The following PCSK5 variants were observed in gnomAD, a reference collection of about 807,000 sequenced individuals.
The protein encoded by PCSK5 is prohormone convertase 5.
In PCSK5, 129 loss-of-function variants were observed where a neutral mutation model predicts 233.2. That is an observed-to-expected ratio of 0.55 (90% CI 0.48 to 0.64). The LOEUF is 0.64. Ranked by LOEUF, PCSK5 falls within the 30% of genes least tolerant of loss-of-function variation. The pLI is 0.00. For synonymous variants in PCSK5, 825 were observed against 879.2 expected (o/e 0.94, Z 1.09); for missense variants, 2,076 against 2,430.1 (o/e 0.85, Z 3.06).
chr9:76,106,104 T>C (rs1309213240), intron 8 of PCSK5, among the ~76,000 whole-genome samples: 1 of 152,234 alleles, frequency 6.6e-6, no homozygotes, highest in Non-Finnish European at 1.5e-5. Flanking sequence ...AGGCCTTTGT[T>C]TTCAGCTGCC....
rs1335501546 is a variant in PCSK5, at chr9:76,247,774, T to A, written c.3142+7090T>A. Among the ~76,000 whole-genome samples, 5 of 148,064 alleles carry A rather than the reference T, an allele frequency of 3.4e-5. 1 individual carries two copies. The highest frequency in any genetic ancestry group is 7.0e-3 in the Middle Eastern group (2 of 286). ...GATGGGCAGGACTTCACTAGCTATA[T>A]CTTTTTATTTTTTAATCTTTTTTTT... On this transcript the variant is annotated intron_variant, in intron 24 of 37. Transcript: ENST00000674117.
rs1828326563 is a variant in PCSK5, at chr9:76,293,078, T to C, written c.3185+803T>C. 3.9e-5 allele frequency among the ~76,000 whole-genome samples: 6 copies of C among 152,288 alleles called. No individual in the cohort carries two copies. The South Asian group carries it at 1.2e-3, about 32-fold the overall frequency. ...AGAGAGGGGCAAGGTTTTACTCCAG[T>C]TGCACCACAGCTACTGACAGGTCTA... is the stretch of plus-strand genomic sequence containing the variant. On this transcript the variant is annotated intron_variant, in intron 25 of 37. Coordinates refer to ENST00000674117, the MANE Select transcript of PCSK5 (RefSeq NM_001372043.1).
intron 5 of PCSK5, among the ~76,000 whole-genome samples, chr9:76,060,298 A>G (rs1291590109): frequency 1.3e-5 from 2 of 152,200 alleles, no homozygotes; most frequent in East Asian, 1.9e-4. Flanking sequence ...CAATTAATGT[A>G]TATTTTGTAT....
At chr9:76,226,894 C>T (rs1390282890) in intron 20 of PCSK5, among the ~76,000 whole-genome samples, 1 of 152,064 alleles carries the variant, frequency 6.6e-6, no homozygotes, top group Non-Finnish European at 1.5e-5. Context: ...TGTTGCAGGG[C>T]CCCATATGTG....
chr9:76,272,214 T>G (rs1236332080), intron 24 of PCSK5, among the ~76,000 whole-genome samples: 1 of 152,178 alleles, frequency 6.6e-6, no homozygotes, highest in Non-Finnish European at 1.5e-5. Flanking sequence ...TCACAATGGT[T>G]GAACAAGTCT....
At chr9:76,235,036 A>G (rs1219047589) in intron 22 of PCSK5, among the ~76,000 whole-genome samples, 1 of 152,200 alleles carries the variant, frequency 6.6e-6, no homozygotes, top group East Asian at 1.9e-4. Context: ...AACACATTTG[A>G]TGTCTATTTG....
intron 20 of PCSK5, among the ~76,000 whole-genome samples, chr9:76,207,321 A>G: frequency 6.6e-6 from 1 of 152,120 alleles, no homozygotes; most frequent in East Asian, 1.9e-4. Flanking sequence ...TTTTTTGTCT[A>G]ATTCTCTGAG....
At chr9:75,994,444 A>G (rs1181428557) in intron 3 of PCSK5, among the ~76,000 whole-genome samples, 1 of 74,440 alleles carries the variant, frequency 1.3e-5, no homozygotes, top group Non-Finnish European at 2.4e-5. Flanking sequence ...TTTTTTTTTG[A>G]GATGGAGTCT....
intron 24 of PCSK5, among the ~76,000 whole-genome samples, chr9:76,266,219 T>C (rs1326765626): frequency 2.0e-5 from 3 of 152,202 alleles, no homozygotes; most frequent in African/African-American, 7.2e-5. Flanking sequence ...TCCCTGGAAA[T>C]ATTCATTTAA....
intron 5 of PCSK5, among the ~76,000 whole-genome samples, chr9:76,044,690 T>C (rs960411832): frequency 6.6e-6 from 1 of 152,238 alleles, no homozygotes; most frequent in Admixed American, 6.5e-5. Flanking sequence ...AATAGCCTAG[T>C]AAGAGAGCTC....
At chr9:76,159,317 T>C (rs1468867352) in intron 12 of PCSK5, 146 bp downstream of exon 12, 2 of 671,976 alleles carry the variant, frequency 3.0e-6, no homozygotes, top group South Asian at 2.0e-5. Context: ...TGCTCATAAG[T>C]AGAGAGTGTG....
At chr9:76,275,377 T>A (rs7041527) in intron 24 of PCSK5, among the ~76,000 whole-genome samples, 5,625 of 152,220 alleles carry the variant, frequency 0.037, 338 homozygotes, top group African/African-American at 0.13. Flanking sequence ...AGCAAGATTT[T>A]AAAAAAGCTA....
chr9:76,267,960 C>T (rs1316690668), intron 24 of PCSK5, among the ~76,000 whole-genome samples: 1 of 141,594 alleles, frequency 7.1e-6, no homozygotes, highest in African/African-American at 3.0e-5. Flanking sequence ...TACACACACA[C>T]ACACACACAC....
At chr9:75,959,678 C>T (rs73450619) in intron 2 of PCSK5, among the ~76,000 whole-genome samples, 7,057 of 152,234 alleles carry the variant, frequency 0.046, 225 homozygotes, top group Middle Eastern at 0.092. Context: ...TCTGTGGCCA[C>T]GGCACAAATG....
chr9:76,069,050 GGTC>G (rs1830388210), intron 6 of PCSK5, among the ~76,000 whole-genome samples: 1 of 152,074 alleles, frequency 6.6e-6, no homozygotes, highest in African/African-American at 2.4e-5. Context: ...CTTGAATATT[GGTC>G]CATAGTGCAT....
At chr9:76,031,962 A>G (rs1444387702) in intron 5 of PCSK5, among the ~76,000 whole-genome samples, 2 of 152,062 alleles carry the variant, frequency 1.3e-5, no homozygotes, top group Non-Finnish European at 2.9e-5. Context: ...GGGGGACTTA[A>G]GGTTTATTTC....
At position 76,358,909 on chromosome 9, in the gene PCSK5, C is replaced by T; in HGVS notation, c.5651C>T (p.Ser1884Phe). The change falls in exon 38 of 38, where the codon TCC becomes TTC. Residue 1884 changes from serine (S) to phenylalanine (F), a missense_variant. Physicochemically the swap from Ser to Phe is radical, Grantham distance 155 (BLOSUM62 -2). Transcript: ENST00000674117. ...CTGGAATATGATGACGAGAGTTACT[C>T]CTACTACCAGTAAACAGGCACTCCC... The part of the protein sequence containing the change: ...DELEYDDESY[S>F]YYQ The T allele has an allele frequency of 1.2e-6, 2 of 1,612,222 alleles. No homozygotes were observed. The highest frequency in any genetic ancestry group is 1.7e-6 in the Non-Finnish European group (2 of 1,179,418).
At chr9:75,891,670 A>G (rs1825611501) in intron 1 of PCSK5, among the ~76,000 whole-genome samples, 1 of 151,882 alleles carries the variant, frequency 6.6e-6, no homozygotes, top group South Asian at 2.1e-4. Context: ...GGCTTCAGAG[A>G]CGGCTGGACC....
At chr9:76,010,177 G>A (rs1384846121) in intron 3 of PCSK5, among the ~76,000 whole-genome samples, 1 of 152,104 alleles carries the variant, frequency 6.6e-6, no homozygotes, top group Non-Finnish European at 1.5e-5. Flanking sequence ...GAGGACAAAG[G>A]GCCAACAGCT....
Sources: allele counts gnomAD v4.1 joint callset (sites outside exome capture counted in the v4.1 genomes callset), GRCh38; gene constraint gnomAD v4.1.1; transcripts MANE v1.5; gene names NCBI Gene and HGNC (gene_info 2026-07-23, HGNC 2026-07-21).